The following MTCL1 variants were observed in gnomAD, a reference collection of about 807,000 sequenced individuals.
MTCL1 encodes microtubule crosslinking factor 1.
A neutral mutation model predicts 141.4 loss-of-function variants in MTCL1; 79 were observed. The observed-to-expected ratio is 0.56, with a 90% CI of 0.47 to 0.67. The LOEUF (loss-of-function observed/expected upper bound fraction) is 0.67. MTCL1 is among the 30% of genes least tolerant of loss of function. MTCL1 has a pLI of 0.00. For missense variants in MTCL1, 2,177 were observed against 2,113.9 expected (o/e 1.03, Z -0.59); for synonymous variants, 914 against 875.8 (o/e 1.04, Z -0.77).
At chr18:8,809,796 G>C (rs2076421517) in intron 11 of MTCL1, 1 of 600,342 alleles carries the variant, frequency 1.7e-6, no homozygotes, top group East Asian at 3.1e-5. Context: ...AAAGGGGACA[G>C]GTTGGATTTG....
upstream of MTCL1, among the ~76,000 whole-genome samples, chr18:8,714,804 CT>C (rs34270484): frequency 1.1e-3 from 162 of 148,730 alleles, no homozygotes; most frequent in Non-Finnish European, 1.6e-3. Context: ...TTTCTTTTCT[CT>C]TTTTTTTTTG....
chr18:8,708,732 C>T (rs2096071049), intron 1 of MTCL1, among the ~76,000 whole-genome samples: 1 of 152,206 alleles, frequency 6.6e-6, no homozygotes, highest in South Asian at 2.1e-4. Flanking sequence ...GGCCGTCATG[C>T]CCGTCTCTCC....
intron 4 of MTCL1, among the ~76,000 whole-genome samples, chr18:8,744,563 C>T (rs923113478): frequency 1.3e-5 from 2 of 152,090 alleles, no homozygotes; most frequent in Admixed American, 6.5e-5. Context: ...CTTGTGACTA[C>T]GTCCCATATT....
chr18:8,784,983 A>C, intron 6 of MTCL1, 140 bp downstream of exon 5: 1 of 595,346 alleles, frequency 1.7e-6, no homozygotes, highest in Non-Finnish European at 2.6e-6. Flanking sequence ...CCTCCGGGGC[A>C]ACCGGATCCT....
At chr18:8,807,110 C>G in intron 11 of MTCL1, 50 bp downstream of exon 10, 1 of 1,560,232 alleles carries the variant, frequency 6.4e-7, no homozygotes, top group Non-Finnish European at 8.7e-7. Flanking sequence ...TCTCTGCTGT[C>G]CAGGATATGT....
At chr18:8,783,608 C>A (rs1488939420) in exon 6 of MTCL1, 1 of 1,613,672 alleles carries the variant, frequency 6.2e-7, no homozygotes. Flanking sequence ...GATGGCCAAG[C>A]TAGGAAGGGA....
chr18:8,791,002 G>A (rs879327401), intron 7 of MTCL1, among the ~76,000 whole-genome samples: 22 of 152,124 alleles, frequency 1.4e-4, no homozygotes, highest in Admixed American at 3.9e-4. Flanking sequence ...GCGACAGAGC[G>A]AGACCCTGTC....
At chr18:8,817,239 T>C (rs1238584165) in intron 12 of MTCL1, among the ~76,000 whole-genome samples, 2 of 139,788 alleles carry the variant, frequency 1.4e-5, no homozygotes, top group Non-Finnish European at 3.1e-5. Flanking sequence ...AATGAACATA[T>C]AAAAAGCCTT....
intron 4 of MTCL1, among the ~76,000 whole-genome samples, chr18:8,746,459 A>G (rs2096338584): frequency 6.6e-6 from 1 of 152,222 alleles, no homozygotes; most frequent in Non-Finnish European, 1.5e-5. Context: ...GGCTACTTAA[A>G]CAGGGGCTGT....
chr18:8,820,137 T>C (rs530164862), intron 13 of MTCL1, among the ~76,000 whole-genome samples: 2 of 152,172 alleles, frequency 1.3e-5, no homozygotes, highest in Admixed American at 6.5e-5. Flanking sequence ...GGGCCGGATG[T>C]GGTGGCTCAT....
intron 4 of MTCL1, among the ~76,000 whole-genome samples, chr18:8,727,201 A>G (rs769259471): frequency 6.6e-6 from 1 of 152,186 alleles, no homozygotes. Context: ...CTAATCGTCT[A>G]TTGATGGATA....
At chr18:8,827,902 G>T (rs1204878767) in intron 15 of MTCL1, among the ~76,000 whole-genome samples, 1 of 152,152 alleles carries the variant, frequency 6.6e-6, no homozygotes, top group African/African-American at 2.4e-5. Context: ...TTTGTCCTCC[G>T]TAAAGTATTC....
In MTCL1 at chr18:8,784,902, G is replaced by A. The variant is rs1224870782; in HGVS notation, c.1731+59G>A. On this transcript the variant is annotated intron_variant, in intron 6 of 16. Coordinates refer to ENST00000359865, the Ensembl canonical transcript of MTCL1. ...GCCTTGCTCTTCCTCCTTCTCGCTG[G>A]CATTGCTGCACTCGGGCTCACGCTG... 7 of 1,437,058 alleles carry A rather than the reference G, an allele frequency of 4.9e-6. No homozygotes were observed. The Admixed American group carries it at 6.4e-5, about 13-fold the overall frequency. The allele number at this position is 1,437,058 out of a possible 1,614,324, so 89.0% of individuals were successfully genotyped here.
intron 4 of MTCL1, among the ~76,000 whole-genome samples, chr18:8,770,579 G>A (rs1044170696): frequency 2.0e-5 from 3 of 152,152 alleles, no homozygotes; most frequent in South Asian, 2.1e-4. Flanking sequence ...ACCTAGTTAC[G>A]TCCCAAAGGC....
intron 4 of MTCL1, among the ~76,000 whole-genome samples, chr18:8,741,321 CTT>C (rs2096302070): frequency 6.6e-6 from 1 of 152,230 alleles, no homozygotes. Context: ...AATGAGAACA[CTT>C]TGGTTTCAGT....
chr18:8,812,497 T>C (rs2144230466), intron 11 of MTCL1, among the ~76,000 whole-genome samples: 1 of 152,366 alleles, frequency 6.6e-6, no homozygotes, highest in African/African-American at 2.4e-5. Flanking sequence ...GGGTCATTTT[T>C]CCCTGTCTTT....
At position 8,825,457 on chromosome 18, in the gene MTCL1, C is replaced by T. The variant is rs375774425; in HGVS notation, c.3947C>T (p.Thr1316Met). 8.2e-5 allele frequency: 130 copies of T among 1,595,046 alleles called. No homozygotes were observed. The highest frequency in any genetic ancestry group is 9.5e-5 in the Non-Finnish European group (111 of 1,166,648). ...GCCTGCCAGACCAATGGGTCCCGGACGATGGGGACCCAGACTGTTCAGACC... is the reference window on the plus strand; with the variant it reads ...GCCTGCCAGACCAATGGGTCCCGGATGATGGGGACCCAGACTGTTCAGACC... The change falls in exon 15 of 17, where the codon ACG (threonine) becomes ATG (methionine). Residue 1316 changes from threonine to methionine, a missense_variant. By Grantham distance (81) the Thr-to-Met change is moderately conservative. Coordinates refer to ENST00000359865, the Ensembl canonical transcript of MTCL1.
At chr18:8,720,170 A>G (rs1021079026) in intron 3 of MTCL1, 168 bp from the exon 3 acceptor site, 62 of 630,896 alleles carry the variant, frequency 9.8e-5, no homozygotes, top group Admixed American at 2.3e-4. Context: ...TTTCATTTTT[A>G]AATGAATCTC....
In MTCL1 at chr18:8,708,256, A is replaced by C. The variant is rs74696134; in HGVS notation, c.1053+1543A>C. On this transcript the variant is annotated intron_variant, in intron 1 of 13. Coordinates refer to the MTCL1 transcript ENST00000306329. Reference sequence around the variant, plus strand: ...TATCCAAATGACTGCTGTGCAAGGGAAAACTGTATTTCTTTAAAGAAGTTT... The same window carrying C: ...TATCCAAATGACTGCTGTGCAAGGGCAAACTGTATTTCTTTAAAGAAGTTT... Among the ~76,000 whole-genome samples the C allele has an allele frequency of 9.0e-3, 1,371 of 152,290 alleles. 17 individuals carry two copies. The highest frequency in any genetic ancestry group is 0.03 in the African/African-American group (1,265 of 41,562).
Sources: allele counts gnomAD v4.1 joint callset (sites outside exome capture counted in the v4.1 genomes callset), GRCh38; gene constraint gnomAD v4.1.1; transcripts MANE v1.5; gene names NCBI Gene and HGNC (gene_info 2026-07-23, HGNC 2026-07-21).